PDZD9: variants seen among roughly 807,000 people sequenced by gnomAD.
PDZD9 encodes the protein PDZ domain-containing protein 9.
Under a neutral mutation model 16.3 loss-of-function variants are expected in PDZD9, and 13 were observed. That is an observed-to-expected ratio of 0.80 (90% confidence interval 0.52 to 1.27). PDZD9 has a LOEUF of 1.27. PDZD9 is among the 50% of genes most tolerant of loss of function. The pLI, the probability that PDZD9 is intolerant of heterozygous loss-of-function variation, is 0.00. For missense variants in PDZD9, 288 were observed against 310.9 expected (o/e 0.93, Z 0.55); for synonymous variants, 120 against 111.0 (o/e 1.08, Z -0.51).
chr16:21,996,859 G>A (rs540207279), intron 1 of PDZD9, among the ~76,000 whole-genome samples: 2 of 152,296 alleles, frequency 1.3e-5, no homozygotes, highest in African/African-American at 4.8e-5. Flanking sequence ...GTCTCACTCT[G>A]TTGCCCAGGC....
the PDZD9 span, among the ~76,000 whole-genome samples, chr16:21,973,184 T>C: frequency 6.6e-6 from 1 of 152,230 alleles, no homozygotes; most frequent in Admixed American, 6.5e-5. Context: ...TCTCCAAGTT[T>C]ATTGTACATA....
chr16:21,981,521 A>G (rs866327154), downstream of PDZD9, among the ~76,000 whole-genome samples: 13 of 152,248 alleles, frequency 8.5e-5, no homozygotes, highest in Middle Eastern at 3.4e-3. Context: ...TGGAAGGCTG[A>G]GGTGGGCAGA....
At chr16:22,000,886 A>C (rs1899283821) in intron 1 of PDZD9, 131 bp downstream of exon 1, 11 of 778,884 alleles carry the variant, frequency 1.4e-5, no homozygotes, top group Non-Finnish European at 2.3e-5. Context: ...AATGATGATG[A>C]TGATAACAAC....
At chr16:21,993,280 A>C (rs1899068201) in intron 2 of PDZD9, among the ~76,000 whole-genome samples, 2 of 152,206 alleles carry the variant, frequency 1.3e-5, no homozygotes, top group South Asian at 4.1e-4. Flanking sequence ...ACCTAAAAGC[A>C]TACTCCTGTC....
At chr16:21,971,515 G>C in the PDZD9 span, 69 of 1,599,292 alleles carry the variant, frequency 4.3e-5, no homozygotes, top group East Asian at 1.5e-3. Flanking sequence ...TTTTGCTTCT[G>C]TTGAAACAGG....
At chr16:21,977,753 A>G in the PDZD9 span, among the ~76,000 whole-genome samples, 3 of 152,246 alleles carry the variant, frequency 2.0e-5, no homozygotes, top group Non-Finnish European at 4.4e-5. Flanking sequence ...CGTTATGATC[A>G]TTTAGTATTG....
At chr16:21,965,505 G>C in the PDZD9 span, 1 of 1,574,534 alleles carries the variant, frequency 6.4e-7, no homozygotes, top group Non-Finnish European at 8.6e-7. Context: ...CATCAGAGGA[G>C]GTACCAATAA....
chr16:21,958,520 T>G, the PDZD9 span: 4 of 1,611,500 alleles, frequency 2.5e-6, no homozygotes, highest in Non-Finnish European at 3.4e-6. Flanking sequence ...AGATAATCAT[T>G]CTTTCTTTTT....
chr16:21,958,673 A>T, the PDZD9 span: 1 of 1,319,310 alleles, frequency 7.6e-7, no homozygotes, highest in East Asian at 2.4e-5. Context: ...TTTCTCTGTT[A>T]TCAAGGAGGT....
chr16:21,984,032 C>A lies in PDZD9; in HGVS notation c.*235G>T. On this transcript the variant is annotated 3_prime_UTR_variant, in exon 4 of 4. Transcript: ENST00000424898. ...CGGCATTTTCTAAAAGAAAGAAATT[C>A]TTCTCAAAAAGGAGGGTCTTATTCT... The A allele has an allele frequency of 2.7e-6, 1 of 375,416 alleles. No homozygotes were observed. The highest frequency in any genetic ancestry group is 4.8e-6 in the Non-Finnish European group (1 of 209,684). 23.3% of individuals were successfully genotyped at this position (375,416 alleles called of 1,614,324 possible). A position where few individuals can be genotyped will look rare whatever the true frequency, so the allele number is the denominator to read the frequency against.
chr16:21,963,874 C>T, the PDZD9 span, among the ~76,000 whole-genome samples: 2 of 152,086 alleles, frequency 1.3e-5, no homozygotes, highest in African/African-American at 4.8e-5. Context: ...TTAGCCATCT[C>T]CTCTTTATTG....
At chr16:21,961,626 TTA>T in the PDZD9 span, among the ~76,000 whole-genome samples, 1,247 of 64,134 alleles carry the variant, frequency 0.019, 19 homozygotes, top group East Asian at 0.043. Flanking sequence ...AACATAAAAT[TTA>T]TATATATATA....
At chr16:21,964,854 G>A in the PDZD9 span, among the ~76,000 whole-genome samples, 2 of 152,184 alleles carry the variant, frequency 1.3e-5, no homozygotes, top group African/African-American at 4.8e-5. Flanking sequence ...GCATAGGCAA[G>A]TTGCCAGGTA....
the PDZD9 span, among the ~76,000 whole-genome samples, chr16:21,967,851 T>A: frequency 1.3e-5 from 2 of 152,174 alleles, no homozygotes; most frequent in Non-Finnish European, 2.9e-5. Flanking sequence ...AAAACTCTGT[T>A]AGCCCTGTTA....
the PDZD9 span, among the ~76,000 whole-genome samples, chr16:21,963,689 G>A: frequency 6.6e-6 from 1 of 151,776 alleles, no homozygotes; most frequent in Non-Finnish European, 1.5e-5. Context: ...GGCTGGTCTC[G>A]AACTCCTGGG....
chr16:21,967,945 T>C, the PDZD9 span, among the ~76,000 whole-genome samples: 152 of 151,862 alleles, frequency 1.0e-3, 1 homozygote, highest in African/African-American at 3.5e-3. Context: ...ATAATAAAAA[T>C]CATAGTCCAC....
In PDZD9 at chr16:21,984,750, T is replaced by A; in HGVS notation, c.402-90A>T. ...AAGATGCCTTATAACTTGCTTTGAC[T>A]CATAAAAGATACAATTTAGCTTTAG... is the stretch of plus-strand genomic sequence containing the variant. On this transcript the variant is annotated intron_variant, in intron 3 of 3. Transcript: ENST00000424898. 1.0e-6 allele frequency: 1 copy of A among 986,998 alleles called. No homozygotes were observed. 61.1% of individuals were successfully genotyped at this position (986,998 alleles called of 1,614,324 possible).
chr16:21,959,400 C>A, the PDZD9 span: 1 of 267,506 alleles, frequency 3.7e-6, no homozygotes, highest in South Asian at 3.9e-5. Context: ...GTTTGCTCAT[C>A]CATAAGAAGC....
At chr16:21,994,534 A>T (rs144750970) in intron 2 of PDZD9, among the ~76,000 whole-genome samples, 26 of 152,330 alleles carry the variant, frequency 1.7e-4, no homozygotes, top group Non-Finnish European at 3.4e-4. Flanking sequence ...TAGGCTCTGA[A>T]GTCTGACAGA....
Sources: gnomAD v4.1 joint callset for allele counts (sites outside exome capture counted in the v4.1 genomes callset) on GRCh38, gnomAD v4.1.1 for gene constraint, MANE v1.5 for transcripts, NCBI Gene and HGNC (gene_info 2026-07-23, HGNC 2026-07-21) for gene names.